Variants in CAND1 observed in about 807,000 individuals in gnomAD.
CAND1 encodes the protein cullin associated and neddylation dissociated 1, also known as cullin-associated NEDD8-dissociated protein 1.
In CAND1, 7 loss-of-function variants were observed where a neutral mutation model predicts 108.5. The observed-to-expected ratio is 0.06, with a 90% CI of 0.04 to 0.12. The LOEUF (loss-of-function observed/expected upper bound fraction) is 0.12, where lower values mean the gene tolerates loss of function less well. CAND1 is among the 10% of genes least tolerant of loss of function. The pLI is 1.00. For missense variants in CAND1, 941 were observed against 1,448.7 expected, an observed-to-expected ratio of 0.65 and a Z score of 5.69; for synonymous variants, 534 against 512.0, an observed-to-expected ratio of 1.04 and a Z score of -0.58.
At chr12:67,297,003 G>T (rs137955485) in intron 4 of CAND1, among the ~76,000 whole-genome samples, 4,781 of 152,060 alleles carry the variant, frequency 0.031, 97 homozygotes, top group Middle Eastern at 0.054. Flanking sequence ...TTGCCATGTT[G>T]CCCAGGCTGG....
chr12:67,295,985 G>T (rs2044765104), intron 4 of CAND1, among the ~76,000 whole-genome samples: 1 of 152,162 alleles, frequency 6.6e-6, no homozygotes, highest in Non-Finnish European at 1.5e-5. Flanking sequence ...GGGTTTTGAA[G>T]AATGGGTAGC....
chr12:67,276,770 GT>G (rs1170651780), intron 1 of CAND1, among the ~76,000 whole-genome samples: 9 of 152,302 alleles, frequency 5.9e-5, no homozygotes, highest in Middle Eastern at 3.4e-3. Flanking sequence ...TAACACTGAG[GT>G]TTAGTTATGA....
intron 1 of CAND1, among the ~76,000 whole-genome samples, chr12:67,273,474 C>A (rs1039916606): frequency 4.1e-5 from 5 of 120,890 alleles, no homozygotes; most frequent in Non-Finnish European, 9.1e-5. Flanking sequence ...TAACTAAGTT[C>A]TTTTCTTTTT....
At position 67,305,692 on chromosome 12, in the gene CAND1, A is replaced by G; in HGVS notation, c.2024A>G (p.Asp675Gly). The G allele has an allele frequency of 1.2e-6, 2 of 1,614,048 alleles. No homozygotes were observed. Among genetic ancestry groups the G allele is most frequent in the Non-Finnish European group, 1.7e-6 (2 of 1,179,978 alleles). The change falls in exon 10 of 15, where the codon GAT becomes GGT. Residue 675 changes from aspartate (D) to glycine (G), a missense_variant. Around this residue, in one of 9 missense-constraint regions of CAND1, gnomAD observed 697 missense variants for 942.0 expected, o/e 0.74. Transcript: ENST00000545606. This position sits in a 1 kb window ranked among gnomAD's most constrained non-coding sequence, Gnocchi z 4.4. The part of the protein sequence containing the change: ...ALKLGTLSAL[D>G]ILIKNYSDSL... ...AAACTGGGTACTCTTTCTGCCCTTG[A>G]TATTCTAATAAAAAACTATAGTGAC...
At chr12:67,277,627 T>C (rs2044582038) in intron 1 of CAND1, among the ~76,000 whole-genome samples, 1 of 152,192 alleles carries the variant, frequency 6.6e-6, no homozygotes, top group African/African-American at 2.4e-5. Context: ...AGGCAGAGTG[T>C]TGCTTTGTGC....
chr12:67,281,140 A>G (rs2044616063), intron 1 of CAND1, among the ~76,000 whole-genome samples: 1 of 150,764 alleles, frequency 6.6e-6, no homozygotes, highest in Admixed American at 6.6e-5. Flanking sequence ...AAATAATACT[A>G]AATTATTATT....
chr12:67,278,226 G>A (rs570469460), intron 1 of CAND1, among the ~76,000 whole-genome samples: 3 of 152,092 alleles, frequency 2.0e-5, no homozygotes, highest in Non-Finnish European at 4.4e-5. Context: ...AACCTCCACT[G>A]CCCGGCTTCA....
chr12:67,297,934 G>A (rs534138077), intron 6 of CAND1, 81 bp downstream of exon 6: 2 of 685,162 alleles, frequency 2.9e-6, no homozygotes, highest in East Asian at 2.6e-5. Flanking sequence ...GGTGTGTGAG[G>A]AGAAGCGGCC....
chr12:67,305,064 GTC>G lies in CAND1; in HGVS notation c.1436-38_1436-37del, dbSNP rs774581879. On this transcript the variant is annotated intron_variant, in intron 9 of 14. Transcript: ENST00000545606. This position sits in a 1 kb window ranked among gnomAD's most constrained non-coding sequence, Gnocchi z 4.4. ...GATTTTTAATTTTTCTTTCTTAAAAGTCTGCACAGCAATGATTGGATTTTTTG... is the reference window on the plus strand; with the variant it reads ...GATTTTTAATTTTTCTTTCTTAAAAGTGCACAGCAATGATTGGATTTTTTG... 260 of 1,541,936 alleles carry G rather than the reference GTC, an allele frequency of 1.7e-4. 2 individuals are homozygous for G. The South Asian group carries it at 3.1e-3, about 18-fold the overall frequency.
intron 4 of CAND1, among the ~76,000 whole-genome samples, chr12:67,297,012 G>T (rs1010105235): frequency 6.6e-6 from 1 of 151,960 alleles, no homozygotes; most frequent in Non-Finnish European, 1.5e-5. Context: ...TGCCCAGGCT[G>T]GTCTCGAACT....
At chr12:67,299,843 AT>A (rs1163332865) in intron 7 of CAND1, among the ~76,000 whole-genome samples, 3 of 152,090 alleles carry the variant, frequency 2.0e-5, no homozygotes, top group Non-Finnish European at 4.4e-5. Flanking sequence ...AGGTTGGTGG[AT>A]TTTTTGTTAT....
chr12:67,293,505 G>A, intron 3 of CAND1, among the ~76,000 whole-genome samples: 1 of 152,188 alleles, frequency 6.6e-6, no homozygotes, highest in Middle Eastern at 3.2e-3. Context: ...TATAATCCCA[G>A]CACTTTGGGA....
Position 67,269,798 on chromosome 12 carries a change from T to A in CAND1, c.68+13T>A. ...ACAAGGACTTTAGGTGAGGCCGAGA[T>A]CCGACCCTCACCCCACCTCGGGGTT... On this transcript the variant is annotated intron_variant, in intron 1 of 14. Coordinates refer to ENST00000545606, the MANE Select transcript of CAND1 (RefSeq NM_018448.5). 6.3e-7 allele frequency: 1 copy of A among 1,598,734 alleles called. No homozygotes were observed. Among genetic ancestry groups the A allele is most frequent in the South Asian group, 1.1e-5 (1 of 88,698 alleles).
Position 67,312,805 on chromosome 12 carries a change from A to T in CAND1, c.3668A>T (p.Asn1223Ile), listed in dbSNP as rs756058698. 6 of 1,612,264 alleles carry T rather than the reference A, an allele frequency of 3.7e-6. No individual in the cohort carries two copies. Among genetic ancestry groups the T allele is most frequent in the Admixed American group, 3.3e-5 (2 of 59,842 alleles). Residue 1223 changes from asparagine to isoleucine, a missense_variant, in exon 15 of 15, where the codon AAC (asparagine) becomes ATC (isoleucine). By Grantham distance (149) the Asn-to-Ile change is moderately radical (BLOSUM62 -3). Around this residue, in one of 9 missense-constraint regions of CAND1, gnomAD observed 39 missense variants for 51.3 expected, o/e 0.76. Coordinates refer to ENST00000545606, the MANE Select transcript of CAND1 (RefSeq NM_018448.5). ...ESIQKDSSST[N>I]LESMDTS is the part of the protein sequence containing the mutation. ...ATCCAGAAAGATTCATCATCTACTA[A>T]CTTGGAATCAATGGACACTAGTTAG...
chr12:67,304,811 C>T lies in CAND1; in HGVS notation c.1435+65C>T, dbSNP rs945977547. 6 of 1,547,552 alleles carry T rather than the reference C, an allele frequency of 3.9e-6. No individual in the cohort carries two copies. The African/African-American group carries it at 8.3e-5, about 22-fold the overall frequency. ...GCCTTTTTGTTAGGACTTAGATAAGCTTAAATAATTGTTTCCTTTTAAAGG... is the reference window on the plus strand; with the variant it reads ...GCCTTTTTGTTAGGACTTAGATAAGTTTAAATAATTGTTTCCTTTTAAAGG... On this transcript the variant is annotated intron_variant, in intron 9 of 14. Transcript: ENST00000545606.
chr12:67,276,368 T>A (rs1029480743), intron 1 of CAND1, among the ~76,000 whole-genome samples: 1 of 152,204 alleles, frequency 6.6e-6, no homozygotes, highest in Non-Finnish European at 1.5e-5. Flanking sequence ...AATTCTCTTA[T>A]ATGGGCATCC....
intron 1 of CAND1, among the ~76,000 whole-genome samples, chr12:67,280,266 G>T (rs2044607614): frequency 6.6e-6 from 1 of 152,188 alleles, no homozygotes; most frequent in African/African-American, 2.4e-5. Context: ...CTTGCATGTA[G>T]TGTAAAACTT....
intron 7 of CAND1, among the ~76,000 whole-genome samples, chr12:67,300,480 GTTC>G (rs909302489): frequency 3.3e-5 from 5 of 152,102 alleles, no homozygotes; most frequent in Admixed American, 6.5e-5. Context: ...CACCTAACCT[GTTC>G]TTCTTTAGCC....
In CAND1 at chr12:67,302,353, A is replaced by T; in HGVS notation, c.1031A>T (p.Asp344Val). The change falls in exon 8 of 15, where the codon GAC becomes GTC. Residue 344 changes from aspartate to valine, a missense_variant. By Grantham distance (152) the Asp-to-Val change is radical. Coordinates refer to ENST00000545606, the MANE Select transcript of CAND1 (RefSeq NM_018448.5). ...GSDDEYSDDDDMSWKVRRAAA... is the reference protein window; with the variant it reads ...GSDDEYSDDDVMSWKVRRAAA... ...GATGATGAATACAGTGATGATGATG[A>T]CATGAGTTGGAAAGTGAGACGTGCA... 1 of 1,613,940 alleles carries T rather than the reference A, an allele frequency of 6.2e-7. No homozygotes were observed. Among genetic ancestry groups the T allele is most frequent in the Non-Finnish European group, 8.5e-7 (1 of 1,179,966 alleles).
Sources: gnomAD v4.1 joint callset for allele counts (sites outside exome capture counted in the v4.1 genomes callset) on GRCh38, gnomAD v4.1.1 for gene constraint, gnomAD v4.1.1 regional missense constraint, Gnocchi (gnomAD v3.1) non-coding constraint, MANE v1.5 for transcripts, NCBI Gene and HGNC (gene_info 2026-07-23, HGNC 2026-07-21) for gene names.